ARMC3: variants seen among roughly 807,000 people sequenced by gnomAD.
The protein encoded by ARMC3 is armadillo repeat containing 3.
Under a neutral mutation model 90.3 loss-of-function variants are expected in ARMC3, and 74 were observed. The ratio of observed to expected loss-of-function variants is 0.82; its 90% CI spans 0.68 to 0.99. ARMC3 has a LOEUF of 0.99. ARMC3 is among the 50% of genes least tolerant of loss of function. ARMC3 has a pLI of 0.00. For missense variants in ARMC3, 958 were observed against 1,042.8 expected (o/e 0.92, Z 1.12); for synonymous variants, 334 against 361.8 (o/e 0.92, Z 0.87).
intron 3 of ARMC3, among the ~76,000 whole-genome samples, chr10:22,950,301 AC>A (rs1185434663): frequency 6.6e-6 from 1 of 152,112 alleles, no homozygotes; most frequent in East Asian, 1.9e-4. Context: ...GCAACTTGAA[AC>A]ATATGTATAA....
At chr10:22,955,205 C>T (rs1019411548) in intron 3 of ARMC3, 2 of 152,294 alleles carry the variant, frequency 1.3e-5, no homozygotes, top group Admixed American at 6.5e-5. Context: ...CAGACACACC[C>T]AGAAACGTTT....
At chr10:23,019,590 C>T (rs111721567) in intron 16 of ARMC3, among the ~76,000 whole-genome samples, 3,154 of 152,174 alleles carry the variant, frequency 0.021, 118 homozygotes, top group African/African-American at 0.074. Context: ...ATAGTCTAGG[C>T]TGGAGTGCAG....
At chr10:23,012,106 C>T (rs964476932) in intron 16 of ARMC3, among the ~76,000 whole-genome samples, 1 of 152,134 alleles carries the variant, frequency 6.6e-6, no homozygotes, top group African/African-American at 2.4e-5. Context: ...TTACAATTGT[C>T]TTATTTTTCT....
intron 4 of ARMC3, 100 bp downstream of exon 4, chr10:22,956,032 C>G (rs577105763): frequency 2.6e-6 from 3 of 1,175,160 alleles, no homozygotes; most frequent in Admixed American, 5.5e-5. Context: ...TTTATTTAAA[C>G]TGACTTTCAT....
chr10:22,999,974 C>A (rs1837208104), intron 11 of ARMC3, among the ~76,000 whole-genome samples: 1 of 152,186 alleles, frequency 6.6e-6, no homozygotes, highest in Non-Finnish European at 1.5e-5. Context: ...CTCCATGCAG[C>A]CTGCAGGGAA....
intron 3 of ARMC3, among the ~76,000 whole-genome samples, chr10:22,950,283 T>C (rs1243589979): frequency 6.6e-6 from 1 of 152,060 alleles, no homozygotes; most frequent in African/African-American, 2.4e-5. Flanking sequence ...AAAATAATCA[T>C]ATATTGTGCA....
chr10:22,938,496 A>G (rs1420538262), intron 2 of ARMC3, among the ~76,000 whole-genome samples: 2 of 152,244 alleles, frequency 1.3e-5, no homozygotes, highest in Non-Finnish European at 2.9e-5. Context: ...TGAAAATTGG[A>G]AGACCAGCTT....
At chr10:22,955,701 G>A in intron 3 of ARMC3, 106 bp from the exon 4 acceptor site, 1 of 1,386,390 alleles carries the variant, frequency 7.2e-7, no homozygotes, top group South Asian at 1.4e-5. Flanking sequence ...GAAGCCAAGA[G>A]TAATGTGAAA....
intron 7 of ARMC3, among the ~76,000 whole-genome samples, chr10:22,963,914 CACACACACAAAAAAAAAAAAAAAA>C (rs1835321650): frequency 3.3e-5 from 1 of 30,730 alleles, no homozygotes; most frequent in Non-Finnish European, 7.2e-5. Flanking sequence ...CACACACACA[CACACACACAAAAAAAAAAAAAAAA>C]AAAAAAAAAA....
chr10:22,936,705 C>G (rs1764210390), intron 2 of ARMC3, among the ~76,000 whole-genome samples: 1 of 151,966 alleles, frequency 6.6e-6, no homozygotes, highest in Non-Finnish European at 1.5e-5. Context: ...TCATGTGGCA[C>G]TCTGTTATAG....
chr10:22,991,856 C>T (rs1341554987), intron 10 of ARMC3, among the ~76,000 whole-genome samples: 1 of 152,142 alleles, frequency 6.6e-6, no homozygotes, highest in Non-Finnish European at 1.5e-5. Flanking sequence ...TTAAGAAAAT[C>T]AACAACATGG....
chr10:22,991,595 G>A (rs1439460128), intron 10 of ARMC3, among the ~76,000 whole-genome samples: 6 of 152,118 alleles, frequency 3.9e-5, no homozygotes, highest in Admixed American at 3.9e-4. Context: ...GAGGCCAGCA[G>A]TACACAAGTA....
chr10:23,005,963 A>T (rs1402478692), intron 13 of ARMC3, among the ~76,000 whole-genome samples: 2 of 151,972 alleles, frequency 1.3e-5, no homozygotes, highest in Non-Finnish European at 2.9e-5. Flanking sequence ...GGGAGCCCTG[A>T]GGTGGGCGGT....
At chr10:22,981,814 T>C in intron 10 of ARMC3, 114 bp downstream of exon 10, 1 of 871,542 alleles carries the variant, frequency 1.1e-6, no homozygotes, top group Non-Finnish European at 1.8e-6. Flanking sequence ...TCAGATGGTC[T>C]ATCTTGGGGT....
At chr10:22,932,125 A>G in intron 2 of ARMC3, 81 bp downstream of exon 2, 2 of 1,228,246 alleles carry the variant, frequency 1.6e-6, no homozygotes, top group Admixed American at 2.5e-5. Context: ...GGCATGTACC[A>G]GTATATACAT....
At chr10:22,979,995 A>C (rs1235224626) in intron 8 of ARMC3, among the ~76,000 whole-genome samples, 2 of 152,164 alleles carry the variant, frequency 1.3e-5, no homozygotes, top group Admixed American at 6.5e-5. Flanking sequence ...TGCCATCTAA[A>C]CGTGATACTG....
intron 2 of ARMC3, among the ~76,000 whole-genome samples, chr10:22,943,016 T>C (rs185306767): frequency 1.3e-5 from 2 of 152,318 alleles, no homozygotes; most frequent in East Asian, 3.9e-4. Context: ...TAAGTGATTA[T>C]TTTAAAAGTC....
rs146733939 is a variant in ARMC3, at chr10:22,999,268, C to T, written c.1425+871C>T. ...AATCTTCAGAAAAACTTTATTTAGG[C>T]CAGGTGCAGTGGCTCACACTTGTTA... On this transcript the variant is annotated intron_variant, in intron 11 of 18. Transcript: ENST00000298032. Among the ~76,000 whole-genome samples the T allele has an allele frequency of 1.8e-4, 28 of 152,228 alleles. No individual in the cohort carries two copies. The East Asian group carries it at 5.4e-3, about 29-fold the overall frequency.
chr10:22,961,827 A>G, intron 6 of ARMC3, 57 bp from the exon 7 acceptor site: 2 of 1,383,096 alleles, frequency 1.4e-6, no homozygotes, highest in Non-Finnish European at 2.0e-6. Context: ...GAATTTCTCC[A>G]TTCTTGAGGA....
Sources: gnomAD v4.1 joint callset for allele counts (sites outside exome capture counted in the v4.1 genomes callset) on GRCh38, gnomAD v4.1.1 for gene constraint, MANE v1.5 for transcripts, NCBI Gene and HGNC (gene_info 2026-07-23, HGNC 2026-07-21) for gene names.